PALLD: variants seen among roughly 807,000 people sequenced by gnomAD.
The protein encoded by PALLD is palladin.
PALLD carries 61 observed loss-of-function variants against 123.5 expected under a neutral mutation model. That is an observed-to-expected ratio of 0.49 (90% CI 0.40 to 0.61). PALLD has a LOEUF of 0.61. Among genes scored for constraint, PALLD ranks in the 20% least tolerant of loss-of-function variants. PALLD has a pLI of 0.00. For synonymous variants in PALLD, 465 were observed against 496.4 expected (o/e 0.94, Z 0.84); for missense variants, 1,273 against 1,377.0 (o/e 0.92, Z 1.20).
chr4:168,842,214 T>G (rs1177388486), intron 10 of PALLD, among the ~76,000 whole-genome samples: 1 of 152,246 alleles, frequency 6.6e-6, no homozygotes, highest in Non-Finnish European at 1.5e-5. Context: ...CTACATTCTT[T>G]AAAGTTAAAA....
At chr4:168,603,480 CATTTT>C (rs1375608586) in intron 2 of PALLD, among the ~76,000 whole-genome samples, 12 of 152,162 alleles carry the variant, frequency 7.9e-5, no homozygotes, top group Non-Finnish European at 7.3e-5. Flanking sequence ...TTATCAATGA[CATTTT>C]ATTACCATTT....
Position 168,503,382 on chromosome 4 carries a change from G to A in PALLD, c.-83+6188G>A, listed in dbSNP as rs375072348. 9.2e-5 allele frequency among the ~76,000 whole-genome samples: 14 copies of A among 152,318 alleles called. 1 individual carries two copies. The South Asian group carries it at 2.9e-3, about 32-fold the overall frequency. On this transcript the variant is annotated intron_variant, in intron 1 of 21. Transcript: ENST00000505667. ...AACAGAAAGAGGGCTGGATGCAGTG[G>A]CTCATGCCTGTAATCCCAGCACTTT...
At chr4:168,791,784 C>A (rs369915866) in intron 10 of PALLD, among the ~76,000 whole-genome samples, 1 of 152,166 alleles carries the variant, frequency 6.6e-6, no homozygotes, top group Admixed American at 6.5e-5. Flanking sequence ...ATGAACAAAG[C>A]TGCCTTCTAG....
rs1424423009 is a variant in PALLD at position 168,927,427 on chromosome 4, A to G, written c.*1247A>G. On this transcript the variant is annotated 3_prime_UTR_variant, in exon 22 of 22. Transcript: ENST00000505667. Reference sequence around the variant, plus strand: ...GGAGCACACATGCTGTGGAGATTGCAGTGTGTCTGAGGTTTGTGTAGTAGT... The same window carrying G: ...GGAGCACACATGCTGTGGAGATTGCGGTGTGTCTGAGGTTTGTGTAGTAGT... 8.6e-6 allele frequency: 2 copies of G among 232,680 alleles called. No individual in the cohort carries two copies. Among genetic ancestry groups the G allele is most frequent in the Non-Finnish European group, 8.5e-6 (1 of 117,692 alleles). The allele number at this position is 232,680 out of a possible 1,614,324, so 14.4% of individuals were successfully genotyped here.
At chr4:168,699,846 C>T (rs983524132) in intron 8 of PALLD, among the ~76,000 whole-genome samples, 5 of 152,076 alleles carry the variant, frequency 3.3e-5, no homozygotes, top group African/African-American at 1.2e-4. Context: ...GAAATCCAAA[C>T]ATGGGAAAAT....
At chr4:168,636,685 A>G (rs1245159227) in intron 2 of PALLD, among the ~76,000 whole-genome samples, 1 of 152,220 alleles carries the variant, frequency 6.6e-6, no homozygotes, top group Admixed American at 6.5e-5. Context: ...AGGGACTTTA[A>G]GAAATCACTT....
intron 2 of PALLD, among the ~76,000 whole-genome samples, chr4:168,641,075 G>T (rs1357894789): frequency 6.6e-6 from 1 of 152,110 alleles, no homozygotes; most frequent in African/African-American, 2.4e-5. Context: ...AGGCGTGGCG[G>T]CATGTGCCTG....
intron 10 of PALLD, among the ~76,000 whole-genome samples, chr4:168,729,104 A>G (rs1481719197): frequency 6.6e-6 from 1 of 152,208 alleles, no homozygotes; most frequent in African/African-American, 2.4e-5. Flanking sequence ...ATGGATAAAA[A>G]GAAGGTACAC....
intron 2 of PALLD, among the ~76,000 whole-genome samples, chr4:168,515,930 A>G (rs1353782844): frequency 1.3e-5 from 2 of 152,212 alleles, no homozygotes; most frequent in Non-Finnish European, 2.9e-5. Context: ...AAATGTGGAT[A>G]AAGAAGCCCC....
chr4:168,555,007 T>C (rs1212489599), intron 2 of PALLD, among the ~76,000 whole-genome samples: 2 of 152,246 alleles, frequency 1.3e-5, no homozygotes, highest in Non-Finnish European at 2.9e-5. Flanking sequence ...GAGTGATTTT[T>C]TGTTTCTATT....
intron 15 of PALLD, among the ~76,000 whole-genome samples, chr4:168,905,138 GTTTT>G (rs777740588): frequency 5.8e-5 from 2 of 34,524 alleles, no homozygotes; most frequent in African/African-American, 7.7e-5. Flanking sequence ...TGTTTTGTTG[GTTTT>G]TTTTTTTTTT....
intron 10 of PALLD, among the ~76,000 whole-genome samples, chr4:168,829,693 T>C (rs553782498): frequency 5.9e-5 from 9 of 152,304 alleles, no homozygotes; most frequent in African/African-American, 1.9e-4. Context: ...CGTGATGTCA[T>C]TGCTGCAGCC....
chr4:168,713,629 C>T (rs1297255518), intron 10 of PALLD, among the ~76,000 whole-genome samples: 1 of 152,056 alleles, frequency 6.6e-6, no homozygotes, highest in Non-Finnish European at 1.5e-5. Context: ...ATGTATATGG[C>T]AAGGGGGTAA....
intron 2 of PALLD, among the ~76,000 whole-genome samples, chr4:168,615,233 A>G (rs542404084): frequency 1.3e-5 from 2 of 152,294 alleles, no homozygotes; most frequent in South Asian, 2.1e-4. Flanking sequence ...TAGAAATCAC[A>G]TTCATGCTTC....
chr4:168,819,101 C>T (rs77448310), intron 10 of PALLD, among the ~76,000 whole-genome samples: 9,243 of 152,192 alleles, frequency 0.061, 376 homozygotes, highest in South Asian at 0.17. Flanking sequence ...GTTTACCTAT[C>T]CAGCAAATAT....
At chr4:168,575,439 G>A (rs1202571949) in intron 2 of PALLD, among the ~76,000 whole-genome samples, 3 of 151,930 alleles carry the variant, frequency 2.0e-5, no homozygotes, top group Admixed American at 6.6e-5. Context: ...TCAGTATCAC[G>A]AGAACAGCAT....
intron 2 of PALLD, among the ~76,000 whole-genome samples, chr4:168,639,970 A>G (rs530631316): frequency 6.6e-6 from 1 of 152,202 alleles, no homozygotes; most frequent in South Asian, 2.1e-4. Context: ...CAATTTCATC[A>G]TCTTTATTTC....
At chr4:168,684,415 G>C (rs1200499586) in intron 5 of PALLD, among the ~76,000 whole-genome samples, 1 of 152,132 alleles carries the variant, frequency 6.6e-6, no homozygotes, top group African/African-American at 2.4e-5. Flanking sequence ...TAATGCTCTG[G>C]AACCAGACTC....
At chr4:168,600,697 TTAG>T (rs1346542799) in intron 2 of PALLD, among the ~76,000 whole-genome samples, 1 of 152,118 alleles carries the variant, frequency 6.6e-6, no homozygotes, top group Non-Finnish European at 1.5e-5. Flanking sequence ...CAGAACCATT[TTAG>T]TATATTTTGT....
Sources: allele counts gnomAD v4.1 joint callset (sites outside exome capture counted in the v4.1 genomes callset), GRCh38; gene constraint gnomAD v4.1.1; transcripts MANE v1.5; gene names NCBI Gene and HGNC (gene_info 2026-07-23, HGNC 2026-07-21).